Variants in KNCN observed in about 807,000 individuals in gnomAD.
KNCN encodes the protein kinocilin.
In KNCN, 11 loss-of-function variants were observed where a neutral mutation model predicts 10.4. That is an observed-to-expected ratio of 1.06 (90% confidence interval 0.67 to 1.75). The LOEUF is 1.75. Among genes scored for constraint, KNCN ranks in the 40% most tolerant of loss-of-function variants. The probability of loss-of-function intolerance (pLI) is 0.00; values close to 1 mark genes in which losing one functional copy is unlikely to be tolerated. For missense variants in KNCN, 172 were observed against 167.1 expected (o/e 1.03, Z -0.16); for synonymous variants, 67 against 71.6 (o/e 0.94, Z 0.33).
rs1666947456 is a variant in KNCN at position 46,546,608 on chromosome 1, C to A, written c.*1122G>T. The A allele has an allele frequency of 3.3e-5, 5 of 152,220 alleles. No homozygotes were observed. The highest frequency in any genetic ancestry group is 3.3e-4 in the Admixed American group (5 of 15,284). The allele number at this position is 152,220 out of a possible 1,614,324, so 9.4% of individuals were successfully genotyped here. On this transcript the variant is annotated 3_prime_UTR_variant, in exon 4 of 4. Transcript: ENST00000481882. ...AACAATGTTTTCTGTGAGGCCACAC[C>A]TGGGCCTCCTTGCTCTACCCACGGT...
intron 2 of KNCN, 96 bp downstream of exon 2, chr1:46,549,838 C>T: frequency 6.5e-7 from 1 of 1,546,184 alleles, no homozygotes; most frequent in Non-Finnish European, 8.7e-7. Flanking sequence ...CACACATGGG[C>T]TCATCCCAGC....
Position 46,550,063 on chromosome 1 carries a change from G to C in KNCN, c.152-61C>G, listed in dbSNP as rs948686659. On this transcript the variant is annotated intron_variant, in intron 1 of 3. Transcript: ENST00000481882. The stretch of plus-strand genomic sequence containing the variant: ...GAGCCTGGTGAGTGTTGAGGCTGTG[G>C]GTGGGCTGGGAGCCTGAGGGGTGGT... 8 of 1,549,618 alleles carry C rather than the reference G, an allele frequency of 5.2e-6. No homozygotes were observed. In the African/African-American group the frequency reaches 9.6e-5, roughly 19 times the overall value.
intron 1 of KNCN, among the ~76,000 whole-genome samples, chr1:46,550,250 G>A (rs904403018): frequency 1.3e-5 from 2 of 152,254 alleles, no homozygotes; most frequent in East Asian, 1.9e-4. Flanking sequence ...TGGCTCCACC[G>A]TTCCTAAGTG....
In KNCN at chr1:46,547,759, G is replaced by A. The variant is rs61735709; in HGVS notation, c.346C>T (p.Pro116Ser). 16,852 of 1,479,858 alleles carry A rather than the reference G, an allele frequency of 0.011. 120 individuals are homozygous for A. Among genetic ancestry groups the A allele is most frequent in the Non-Finnish European group, 0.014 (15,777 of 1,116,028 alleles). The allele number at this position is 1,479,858 out of a possible 1,614,324, so 91.7% of individuals were successfully genotyped here. A position where few individuals can be genotyped will look rare whatever the true frequency, so the allele number is the denominator to read the frequency against. The change falls in exon 4 of 4, where the codon CCG (proline) becomes TCG (serine). Residue 116 changes from proline (P) to serine (S), a missense_variant. Pro to Ser is a moderately conservative substitution (Grantham distance 74). Transcript: ENST00000481882. The stretch of plus-strand genomic sequence containing the variant: ...CATTCCTCAGCCCCCCGGGTCCCCG[G>A]CTTCAGCTTCTCCAGGGTCCTGCTC... ...TVSRTLEKLKPGTRGAEEC is the reference protein window; with the variant it reads ...TVSRTLEKLKSGTRGAEEC
At chr1:46,548,825 C>T (rs952553314) in intron 3 of KNCN, among the ~76,000 whole-genome samples, 2 of 152,186 alleles carry the variant, frequency 1.3e-5, no homozygotes, top group Non-Finnish European at 2.9e-5. Context: ...CATGGAGCTG[C>T]TCAGTCAGGG....
At chr1:46,548,146 C>T (rs992623303) in intron 3 of KNCN, among the ~76,000 whole-genome samples, 2 of 152,178 alleles carry the variant, frequency 1.3e-5, no homozygotes, top group Non-Finnish European at 2.9e-5. Flanking sequence ...TCGGTTGCCC[C>T]TTATGTAAAA....
intron 3 of KNCN, among the ~76,000 whole-genome samples, chr1:46,548,543 C>T (rs1001091566): frequency 6.6e-6 from 1 of 152,052 alleles, no homozygotes; most frequent in Non-Finnish European, 1.5e-5. Context: ...TTGAGTTCCT[C>T]TGACCCTGGG....
chr1:46,547,889 G>C, intron 3 of KNCN, 80 bp from the exon 4 acceptor site: 3 of 1,092,576 alleles, frequency 2.7e-6, no homozygotes, highest in Non-Finnish European at 3.8e-6. Flanking sequence ...AACTCAGAGG[G>C]ACCCAAGGCC....
chr1:46,549,292 C>T (rs1234332715), intron 2 of KNCN, 25 bp from the exon 3 acceptor site: 4 of 1,562,222 alleles, frequency 2.6e-6, no homozygotes, highest in Non-Finnish European at 3.5e-6. Flanking sequence ...CACCCCAAGC[C>T]CCCTGATTAC....
In KNCN at chr1:46,545,690, T is replaced by G. The variant is rs920447416; in HGVS notation, c.*2040A>C. 2.0e-5 allele frequency: 3 copies of G among 152,310 alleles called. No homozygotes were observed. Among genetic ancestry groups the G allele is most frequent in the African/African-American group, 7.2e-5 (3 of 41,468 alleles). The allele number at this position is 152,310 out of a possible 1,614,324, so 9.4% of individuals were successfully genotyped here. A position where few individuals can be genotyped will look rare whatever the true frequency, so the allele number is the denominator to read the frequency against. On this transcript the variant is annotated 3_prime_UTR_variant, in exon 4 of 4. Transcript: ENST00000481882. ...CCACCTGGTCCCCAGCATCTCTCTCTGCCTGGCCCTGCCAGGCATCGGGGA... is the reference window on the plus strand; with the variant it reads ...CCACCTGGTCCCCAGCATCTCTCTCGGCCTGGCCCTGCCAGGCATCGGGGA...
Position 46,551,405 on chromosome 1 carries a change from C to A in KNCN, c.-190G>T. 1.8e-6 allele frequency: 1 copy of A among 563,268 alleles called. No individual in the cohort carries two copies. Among genetic ancestry groups the A allele is most frequent in the South Asian group, 2.5e-5 (1 of 39,530 alleles). The allele number at this position is 563,268 out of a possible 1,614,324, so 34.9% of individuals were successfully genotyped here. On this transcript the variant is annotated 5_prime_UTR_variant, in exon 1 of 4. Transcript: ENST00000481882. The surrounding 1 kb of genome is among the most constrained non-coding windows in gnomAD (Gnocchi z 4.0). ...CCTATTCCACTGCTCCACTACGGGC[C>A]CCCCAGTCCCACCTTGACCAGGGAT...
intron 1 of KNCN, among the ~76,000 whole-genome samples, 176 bp downstream of exon 1, chr1:46,550,889 G>A (rs567892745): frequency 1.3e-5 from 2 of 152,204 alleles, no homozygotes; most frequent in Non-Finnish European, 2.9e-5. Flanking sequence ...GAGCCCCAGC[G>A]CGTCGCTCCT....
chr1:46,549,934 C>T lies in KNCN; in HGVS notation c.220G>A (p.Gly74Arg), dbSNP rs1007939813. ...FNLDHILPTI[G>R]SLRIHPHPGA... ...TGCTGGGGTCAGGGAGAGGCCTCAC[C>T]TATGGTAGGCAGGATGTGGTCCAGG... Residue 74 changes from glycine to arginine, a missense_variant and splice_region_variant, in exon 2 of 4, where the codon GGG (glycine) becomes AGG (arginine). Transcript: ENST00000481882. 6 of 1,550,410 alleles carry T rather than the reference C, an allele frequency of 3.9e-6. No individual in the cohort carries two copies. The highest frequency in any genetic ancestry group is 1.7e-6 in the Non-Finnish European group (2 of 1,146,970).
chr1:46,549,082 A>G (rs1279252978), intron 3 of KNCN, 111 bp downstream of exon 3: 6 of 735,164 alleles, frequency 8.2e-6, no homozygotes, highest in Non-Finnish European at 1.3e-5. Flanking sequence ...TGGAGGTTGC[A>G]GTGAGCCGAG....
Position 46,551,182 on chromosome 1 carries a change from C to T in KNCN, c.34G>A (p.Gly12Ser), listed in dbSNP as rs755558823. ...AGAGCCACGCAGGCCAGCTGCAGGC[C>T]GCGGAAGTCTCTGCTGCTGATGGGG... ...DIPISSRDFR[G>S]LQLACVALGL... Residue 12 changes from glycine to serine, a missense_variant, in exon 1 of 4, where the codon GGC becomes AGC. Gly to Ser is a moderately conservative substitution (Grantham distance 56). Coordinates refer to ENST00000481882, the MANE Select transcript of KNCN (RefSeq NM_001322255.2). This position sits in a 1 kb window ranked among gnomAD's most constrained non-coding sequence, Gnocchi z 4.0. 65 of 1,610,052 alleles carry T rather than the reference C, an allele frequency of 4.0e-5. No homozygotes were observed. The highest frequency in any genetic ancestry group is 5.5e-5 in the South Asian group (5 of 90,484).
In KNCN at chr1:46,545,646, T is replaced by G. The variant is rs1205448328; in HGVS notation, c.*2084A>C. ...GGACATAGCTCTTGCCGTTGTATGC[T>G]TTCATTCCTTGATTTATTCCACCTG... is the stretch of plus-strand genomic sequence containing the variant. On this transcript the variant is annotated 3_prime_UTR_variant, in exon 4 of 4. Transcript: ENST00000481882. The G allele has an allele frequency of 6.6e-6, 1 of 152,314 alleles. No individual in the cohort carries two copies. The highest frequency in any genetic ancestry group is 2.4e-5 in the African/African-American group (1 of 41,458). The allele number at this position is 152,314 out of a possible 1,614,324, so 9.4% of individuals were successfully genotyped here.
chr1:46,547,375 G>T lies in KNCN; in HGVS notation c.*355C>A. ...AAGGGACTGGGGCATCCTGGTCATA[G>T]TCAGGGCCTTGGACCCCAAATTCCA... On this transcript the variant is annotated 3_prime_UTR_variant, in exon 4 of 4. Transcript: ENST00000481882. The T allele has an allele frequency of 2.0e-6, 1 of 505,528 alleles. No homozygotes were observed. Among genetic ancestry groups the T allele is most frequent in the Non-Finnish European group, 3.9e-6 (1 of 258,776 alleles). 31.3% of individuals were successfully genotyped at this position (505,528 alleles called of 1,614,324 possible). A position where few individuals can be genotyped will look rare whatever the true frequency, so the allele number is the denominator to read the frequency against.
intron 3 of KNCN, among the ~76,000 whole-genome samples, 160 bp downstream of exon 3, chr1:46,549,033 C>G (rs554872193): frequency 6.6e-6 from 1 of 151,790 alleles, no homozygotes; most frequent in African/African-American, 2.4e-5. Flanking sequence ...CCCAGCTGCT[C>G]GGGAGGCTGA....
At chr1:46,547,911 T>C in intron 3 of KNCN, 102 bp from the exon 4 acceptor site, 1 of 801,570 alleles carries the variant, frequency 1.2e-6, no homozygotes, top group Non-Finnish European at 1.9e-6. Context: ...GGGTGCCTGG[T>C]TGACCCCAGG....
Sources: gnomAD v4.1 joint callset for allele counts (sites outside exome capture counted in the v4.1 genomes callset) on GRCh38, gnomAD v4.1.1 for gene constraint, Gnocchi (gnomAD v3.1) non-coding constraint, MANE v1.5 for transcripts, NCBI Gene and HGNC (gene_info 2026-07-23, HGNC 2026-07-21) for gene names.